The following ZNF407 variants were observed in gnomAD, a reference collection of about 807,000 sequenced individuals.
ZNF407 encodes the protein zinc finger protein 407.
In ZNF407, 17 loss-of-function variants were observed where a neutral mutation model predicts 131.2. The ratio of observed to expected loss-of-function variants is 0.13; its 90% CI spans 0.09 to 0.19. The LOEUF is 0.19. Ranked by LOEUF, ZNF407 falls within the 10% of genes least tolerant of loss-of-function variation. ZNF407 has a pLI of 1.00. For missense variants in ZNF407, 2,681 were observed against 2,830.6 expected, an observed-to-expected ratio of 0.95 and a Z score of 1.20; for synonymous variants, 1,156 against 1,062.0, an observed-to-expected ratio of 1.09 and a Z score of -1.72.
chr18:74,686,314 C>G (rs9965528), intron 3 of ZNF407, among the ~76,000 whole-genome samples: 102,992 of 152,084 alleles, frequency 0.68, 36,302 homozygotes, highest in East Asian at 0.86. Flanking sequence ...CAAATCTTTT[C>G]CATGTTTCCC....
intron 1 of ZNF407, among the ~76,000 whole-genome samples, chr18:74,614,269 A>C (rs1983188460): frequency 6.6e-6 from 1 of 152,206 alleles, no homozygotes; most frequent in Non-Finnish European, 1.5e-5. Context: ...TCAGGGTACA[A>C]AATCTGATTT....
chr18:74,680,384 G>A (rs1966953851), intron 3 of ZNF407, among the ~76,000 whole-genome samples: 1 of 144,708 alleles, frequency 6.9e-6, no homozygotes, highest in Non-Finnish European at 1.5e-5. Context: ...ACTCCAGCCT[G>A]GGTGAGACCT....
Position 74,854,980 on chromosome 18 carries a change from A to T in ZNF407, c.4878-22217A>T, listed in dbSNP as rs143182030. Among the ~76,000 whole-genome samples, 631 of 152,260 alleles carry T rather than the reference A, an allele frequency of 4.1e-3. 5 individuals carry two copies. The highest frequency in any genetic ancestry group is 0.014 in the African/African-American group (576 of 41,538). Reference sequence around the variant, plus strand: ...TTTCTTGTTAGGCATTTTTATTCTCAATCTATATATAGTTTTCAATTTCCA... The same window carrying T: ...TTTCTTGTTAGGCATTTTTATTCTCTATCTATATATAGTTTTCAATTTCCA... On this transcript the variant is annotated intron_variant, in intron 4 of 8. Coordinates refer to ENST00000299687, the MANE Select transcript of ZNF407 (RefSeq NM_017757.3).
chr18:74,817,041 A>C (rs1970277008), intron 4 of ZNF407, among the ~76,000 whole-genome samples: 1 of 152,204 alleles, frequency 6.6e-6, no homozygotes, highest in Non-Finnish European at 1.5e-5. Context: ...CTGAAAGTTT[A>C]ATATGTTCAG....
chr18:74,803,325 C>T (rs897764523), intron 4 of ZNF407, among the ~76,000 whole-genome samples: 14 of 152,180 alleles, frequency 9.2e-5, no homozygotes, highest in Admixed American at 3.3e-4. Context: ...GGGGATACCC[C>T]GTTGGTCCAG....
intron 1 of ZNF407, among the ~76,000 whole-genome samples, chr18:74,608,696 T>G (rs1203719318): frequency 6.6e-6 from 1 of 152,208 alleles, no homozygotes; most frequent in East Asian, 1.9e-4. Flanking sequence ...TTTTGAAGAA[T>G]ACTGGCCAGT....
At position 74,631,793 on chromosome 18, in the gene ZNF407, G is replaced by C. The variant is rs1410904018; in HGVS notation, c.774G>C (p.Leu258Phe). The change falls in exon 2 of 9, where the codon TTG becomes TTC. Residue 258 changes from leucine to phenylalanine, a missense_variant. Coordinates refer to ENST00000299687, the MANE Select transcript of ZNF407 (RefSeq NM_017757.3). ...LCGFQCSEEN[L>F]LNAHYLGKTH... ...GTTTTCAGTGTTCAGAAGAAAACTT[G>C]TTGAATGCACATTATCTTGGCAAAA... The C allele has an allele frequency of 3.7e-6, 6 of 1,613,928 alleles. No individual in the cohort carries two copies. Among genetic ancestry groups the C allele is most frequent in the Non-Finnish European group, 5.1e-6 (6 of 1,179,908 alleles).
Position 74,641,099 on chromosome 18 carries a change from G to T in ZNF407, c.4779G>T (p.Arg1593Ser). ...ATGTGAAAAGGCACCTTGGGATGAG[G>T]GAATACAAGTGTCATGTCTGTGGGT... ...RNHVKRHLGM[R>S]EYKCHVCGVA... is the part of the protein sequence containing the mutation. The change falls in exon 3 of 9, where the codon AGG (arginine) becomes AGT (serine). Residue 1593 changes from arginine (R) to serine (S), a missense_variant. Arg to Ser is a moderately radical substitution (Grantham distance 110, BLOSUM62 -1). This residue lies in a region of ZNF407 where 213 missense variants were observed against 332.2 expected (regional missense o/e 0.64). Coordinates refer to ENST00000299687, the MANE Select transcript of ZNF407 (RefSeq NM_017757.3). The T allele has an allele frequency of 6.2e-7, 1 of 1,613,204 alleles. No individual in the cohort carries two copies. Among genetic ancestry groups the T allele is most frequent in the Non-Finnish European group, 8.5e-7 (1 of 1,179,364 alleles).
intron 8 of ZNF407, among the ~76,000 whole-genome samples, chr18:75,016,012 C>G (rs1346573759): frequency 6.6e-6 from 1 of 151,928 alleles, no homozygotes. Context: ...TTTTTGTCAG[C>G]TTAAAAAAAT....
intron 7 of ZNF407, among the ~76,000 whole-genome samples, chr18:74,908,370 A>G (rs12457344): frequency 0.13 from 20,324 of 152,140 alleles, 1,498 homozygotes; most frequent in Middle Eastern, 0.22. Context: ...TTATTTTTGT[A>G]TGGTGTAGGA....
At chr18:74,616,967 GCACCACA>G (rs1983326290) in intron 1 of ZNF407, among the ~76,000 whole-genome samples, 1 of 3,752 alleles carries the variant, frequency 2.7e-4, no homozygotes, top group African/African-American at 1.0e-3. Context: ...CCATATCCAC[GCACCACA>G]CACATCCATA....
intron 7 of ZNF407, among the ~76,000 whole-genome samples, chr18:74,920,167 G>A (rs1393289708): frequency 2.0e-5 from 3 of 152,108 alleles, no homozygotes; most frequent in Admixed American, 6.5e-5. Flanking sequence ...TTTCATTTTT[G>A]TACCACTCCT....
intron 3 of ZNF407, among the ~76,000 whole-genome samples, chr18:74,745,844 T>C (rs1968656059): frequency 6.6e-6 from 1 of 152,194 alleles, no homozygotes; most frequent in Non-Finnish European, 1.5e-5. Flanking sequence ...GGATCCTGCC[T>C]CATACGAGGA....
chr18:74,666,775 C>T (rs1360411522), intron 3 of ZNF407, among the ~76,000 whole-genome samples: 2 of 152,128 alleles, frequency 1.3e-5, no homozygotes, highest in African/African-American at 2.4e-5. Context: ...GTGTGAAATG[C>T]GGTTTCTGAA....
chr18:74,818,264 C>T (rs1025786109), intron 4 of ZNF407, among the ~76,000 whole-genome samples: 4 of 152,282 alleles, frequency 2.6e-5, no homozygotes, highest in Non-Finnish European at 5.9e-5. Context: ...TCGAGCATAG[C>T]GCCATCCCGG....
intron 8 of ZNF407, among the ~76,000 whole-genome samples, chr18:75,017,468 AG>A (rs1973058831): frequency 6.6e-6 from 1 of 152,164 alleles, no homozygotes; most frequent in Non-Finnish European, 1.5e-5. Context: ...GGAGGTTTAT[AG>A]GGATGAAGTT....
Position 75,063,663 on chromosome 18 carries a change from C to T in ZNF407, c.5942C>T (p.Ala1981Val), listed in dbSNP as rs1289192440. 2 of 1,607,758 alleles carry T rather than the reference C, an allele frequency of 1.2e-6. No individual in the cohort carries two copies. The highest frequency in any genetic ancestry group is 2.2e-5 in the East Asian group (1 of 44,662). ...EILNLSEAGV[A>V]PPEASSALDA... ...TTAAACCTCTCGGAGGCTGGAGTCG[C>T]TCCCCCCGAGGCATCCTCAGCCCTG... Residue 1981 changes from alanine to valine, a missense_variant, in exon 9 of 9, where the codon GCT (alanine) becomes GTT (valine). Ala to Val is a moderately conservative substitution (Grantham distance 64). This residue lies in a region of ZNF407 where 620 missense variants were observed against 583.1 expected (regional missense o/e 1.06). Coordinates refer to ENST00000299687, the MANE Select transcript of ZNF407 (RefSeq NM_017757.3). This position sits in a 1 kb window ranked among gnomAD's most constrained non-coding sequence, Gnocchi z 6.6.
At chr18:74,663,108 C>G (rs1178522893) in intron 3 of ZNF407, among the ~76,000 whole-genome samples, 1 of 152,128 alleles carries the variant, frequency 6.6e-6, no homozygotes, top group African/African-American at 2.4e-5. Context: ...CCATTGTAAC[C>G]TCTAGAAAGC....
At chr18:74,678,789 C>A (rs1190000412) in intron 3 of ZNF407, among the ~76,000 whole-genome samples, 1 of 152,046 alleles carries the variant, frequency 6.6e-6, no homozygotes, top group Non-Finnish European at 1.5e-5. Flanking sequence ...TTGTGAAATA[C>A]AGTTTTCAAA....
Sources: gnomAD v4.1 joint callset for allele counts (sites outside exome capture counted in the v4.1 genomes callset) on GRCh38, gnomAD v4.1.1 for gene constraint, gnomAD v4.1.1 regional missense constraint, Gnocchi (gnomAD v3.1) non-coding constraint, MANE v1.5 for transcripts, NCBI Gene and HGNC (gene_info 2026-07-23, HGNC 2026-07-21) for gene names.